CCSER1: variants seen among roughly 807,000 people sequenced by gnomAD.
CCSER1 encodes serine-rich coiled-coil domain-containing protein 1.
CCSER1 carries 41 observed loss-of-function variants against 82.0 expected under a neutral mutation model. The ratio of observed to expected loss-of-function variants is 0.50; its 90% CI spans 0.39 to 0.65. The LOEUF (loss-of-function observed/expected upper bound fraction) is 0.65. CCSER1 is among the 30% of genes least tolerant of loss of function. The pLI is 0.00. For missense variants in CCSER1, 1,119 were observed against 1,064.2 expected, an observed-to-expected ratio of 1.05 and a Z score of -0.72; for synonymous variants, 414 against 383.9, an observed-to-expected ratio of 1.08 and a Z score of -0.92.
intron 4 of CCSER1, among the ~76,000 whole-genome samples, chr4:90,451,611 C>T (rs764612967): frequency 6.6e-6 from 1 of 152,192 alleles, no homozygotes; most frequent in Non-Finnish European, 1.5e-5. Context: ...AGCTTGCTCT[C>T]CTCTAATTGC....
At chr4:90,448,990 C>A (rs757728594) in intron 4 of CCSER1, among the ~76,000 whole-genome samples, 2 of 152,136 alleles carry the variant, frequency 1.3e-5, no homozygotes, top group Non-Finnish European at 2.9e-5. Context: ...CTACATTACA[C>A]CTCTCAGGAG....
At chr4:91,378,276 A>G (rs1038948999) in intron 10 of CCSER1, among the ~76,000 whole-genome samples, 12 of 152,146 alleles carry the variant, frequency 7.9e-5, no homozygotes, top group Admixed American at 7.2e-4. Flanking sequence ...GATTTTTCCA[A>G]TTCTGTGAAG....
chr4:90,351,517 A>C (rs1297108377), intron 3 of CCSER1, among the ~76,000 whole-genome samples: 7 of 152,220 alleles, frequency 4.6e-5, no homozygotes, highest in Non-Finnish European at 8.8e-5. Context: ...GAGTATATAT[A>C]AATGGAACAG....
chr4:90,625,868 G>T (rs754905191), intron 5 of CCSER1, among the ~76,000 whole-genome samples: 1 of 151,974 alleles, frequency 6.6e-6, no homozygotes, highest in Non-Finnish European at 1.5e-5. Flanking sequence ...TTTGAAAATG[G>T]CAAAGATATT....
chr4:91,089,590 A>G (rs1264110157), intron 10 of CCSER1, among the ~76,000 whole-genome samples: 2 of 152,200 alleles, frequency 1.3e-5, no homozygotes, highest in Non-Finnish European at 2.9e-5. Context: ...AGTGATTCAT[A>G]TAATATACTT....
rs547702456 is a variant in CCSER1, at chr4:91,180,465, G to A, written c.2217+94471G>A. On this transcript the variant is annotated intron_variant, in intron 10 of 10. Transcript: ENST00000509176. ...AGCTGTGGTGGGCTCCACCTAGTTC[G>A]AGCTTCCTTGCCACTTTGTCTACCT... Among the ~76,000 whole-genome samples the A allele has an allele frequency of 3.4e-4, 52 of 152,314 alleles. 1 individual carries two copies. The South Asian group carries it at 8.9e-3, about 26-fold the overall frequency.
chr4:90,172,707 C>G (rs975940143), intron 1 of CCSER1, among the ~76,000 whole-genome samples: 1 of 151,832 alleles, frequency 6.6e-6, no homozygotes, highest in Non-Finnish European at 1.5e-5. Context: ...CTCTTAACCA[C>G]TATACTATCC....
rs568265947 is a variant in CCSER1 at position 90,291,649 on chromosome 4, A to G, written c.-41-16595A>G. On this transcript the variant is annotated intron_variant, in intron 1 of 10. Coordinates refer to ENST00000509176, the MANE Select transcript of CCSER1 (RefSeq NM_001145065.2). ...AAAGTTTAAAGGGTTTTCTTAAGAA[A>G]GGAAAGAAATGAGCTAAATTTGTTG... is the stretch of plus-strand genomic sequence containing the variant. Among the ~76,000 whole-genome samples, 117 of 152,166 alleles carry G rather than the reference A, an allele frequency of 7.7e-4. 1 individual carries two copies. The highest frequency in any genetic ancestry group is 2.7e-3 in the African/African-American group (113 of 41,558).
At chr4:90,518,525 A>G (rs187719316) in intron 5 of CCSER1, among the ~76,000 whole-genome samples, 123 of 152,194 alleles carry the variant, frequency 8.1e-4, no homozygotes, top group Non-Finnish European at 1.5e-3. Flanking sequence ...ATAAGTGTCC[A>G]TAATGATCAG....
At chr4:91,077,623 G>A (rs1722144793) in intron 9 of CCSER1, among the ~76,000 whole-genome samples, 1 of 152,204 alleles carries the variant, frequency 6.6e-6, no homozygotes, top group Non-Finnish European at 1.5e-5. Context: ...ACAAATGGGT[G>A]CAGCCCACAG....
chr4:91,434,001 A>T (rs901242446), intron 10 of CCSER1, among the ~76,000 whole-genome samples: 1 of 152,344 alleles, frequency 6.6e-6, no homozygotes, highest in East Asian at 1.9e-4. Flanking sequence ...GGGACAAGGC[A>T]TTGAGACCGC....
intron 9 of CCSER1, among the ~76,000 whole-genome samples, chr4:90,966,074 A>C (rs1368921761): frequency 6.6e-6 from 1 of 152,112 alleles, no homozygotes; most frequent in African/African-American, 2.4e-5. Flanking sequence ...GATAAAGAGA[A>C]AAATAAAAGA....
At chr4:90,254,294 T>C (rs1180074359) in intron 1 of CCSER1, among the ~76,000 whole-genome samples, 3 of 152,164 alleles carry the variant, frequency 2.0e-5, no homozygotes, top group Non-Finnish European at 4.4e-5. Context: ...CCTGCACCAG[T>C]GTTCCAGAGC....
At chr4:91,030,845 C>T (rs1326293654) in intron 9 of CCSER1, among the ~76,000 whole-genome samples, 1 of 151,746 alleles carries the variant, frequency 6.6e-6, no homozygotes, top group Non-Finnish European at 1.5e-5. Flanking sequence ...AATTAATATT[C>T]CATTCTGAAA....
At position 90,312,979 on chromosome 4, in the gene CCSER1, A is replaced by C; in HGVS notation, c.1441A>C (p.Asn481His). 1 of 1,603,664 alleles carries C rather than the reference A, an allele frequency of 6.2e-7. No homozygotes were observed. Among genetic ancestry groups the C allele is most frequent in the Non-Finnish European group, 8.5e-7 (1 of 1,174,512 alleles). ...AATGATTTTGAAACCGAAAGATGGAAATATAGAAGAAGTTAATAGTTTAAG... is the reference window on the plus strand; with the variant it reads ...AATGATTTTGAAACCGAAAGATGGACATATAGAAGAAGTTAATAGTTTAAG... ...SRMILKPKDG[N>H]IEEVNSLRKQ... The change falls in exon 3 of 11, where the codon AAT (asparagine) becomes CAT (histidine). Residue 481 changes from asparagine to histidine, a missense_variant. Physicochemically the swap from Asn to His is moderately conservative, Grantham distance 68. Transcript: ENST00000509176.
chr4:90,702,035 C>A (rs1003077784), intron 6 of CCSER1, among the ~76,000 whole-genome samples: 1 of 152,122 alleles, frequency 6.6e-6, no homozygotes, highest in African/African-American at 2.4e-5. Flanking sequence ...TGAGAGAGGG[C>A]ACACCTGCCT....
At position 90,172,477 on chromosome 4, in the gene CCSER1, C is replaced by T. The variant is rs180761781; in HGVS notation, c.-42+44646C>T. Among the ~76,000 whole-genome samples, 222 of 151,966 alleles carry T rather than the reference C, an allele frequency of 1.5e-3. 1 individual carries two copies. Among genetic ancestry groups the T allele is most frequent in the Non-Finnish European group, 2.4e-3 (166 of 67,852 alleles). On this transcript the variant is annotated intron_variant, in intron 1 of 10. Coordinates refer to ENST00000509176, the MANE Select transcript of CCSER1 (RefSeq NM_001145065.2). ...ATAAGGCATAATTGTATGAGCTACA[C>T]TGATTGATCATGTACTAGTTATTGA...
At chr4:90,694,798 GTGTGTGT>G (rs1736700597) in intron 6 of CCSER1, among the ~76,000 whole-genome samples, 1 of 28,358 alleles carries the variant, frequency 3.5e-5, no homozygotes. Flanking sequence ...TGTGTGTGGG[GTGTGTGT>G]GTGTGTGTGT....
At chr4:91,330,066 A>T (rs999811378) in intron 10 of CCSER1, among the ~76,000 whole-genome samples, 6 of 151,804 alleles carry the variant, frequency 4.0e-5, no homozygotes, top group East Asian at 1.9e-4. Context: ...TACTTCATTA[A>T]TTTTTTGCCT....
Sources: allele counts gnomAD v4.1 joint callset (sites outside exome capture counted in the v4.1 genomes callset), GRCh38; gene constraint gnomAD v4.1.1; transcripts MANE v1.5; gene names NCBI Gene and HGNC (gene_info 2026-07-23, HGNC 2026-07-21).